KLHL18: variants seen among roughly 807,000 people sequenced by gnomAD.
KLHL18 encodes kelch like family member 18, also known as kelch-like protein 18.
In KLHL18, 38 loss-of-function variants were observed where a neutral mutation model predicts 58.5. The observed-to-expected ratio is 0.65, with a 90% CI of 0.50 to 0.85. The LOEUF is 0.85. Ranked by LOEUF, KLHL18 falls within the 40% of genes least tolerant of loss-of-function variation. The pLI is 0.00. For missense variants in KLHL18, 624 were observed against 778.4 expected (o/e 0.80, Z 2.36); for synonymous variants, 303 against 301.9 (o/e 1.00, Z -0.04).
intron 1 of KLHL18, among the ~76,000 whole-genome samples, chr3:47,302,681 G>A (rs1703052889): frequency 1.3e-5 from 2 of 152,196 alleles, no homozygotes; most frequent in African/African-American, 4.8e-5. Flanking sequence ...GACCTACACA[G>A]TTCAAGCCGG....
chr3:47,308,425 C>G (rs1703199702), intron 1 of KLHL18, among the ~76,000 whole-genome samples: 1 of 152,148 alleles, frequency 6.6e-6, no homozygotes, highest in Non-Finnish European at 1.5e-5. Flanking sequence ...GAGTCTTGTT[C>G]TGTCCCCCAG....
chr3:47,302,842 A>G (rs747760511), intron 1 of KLHL18, among the ~76,000 whole-genome samples: 8 of 152,236 alleles, frequency 5.3e-5, no homozygotes, highest in Non-Finnish European at 1.0e-4. Context: ...GTCATAAAAG[A>G]AACCATGAAT....
intron 1 of KLHL18, among the ~76,000 whole-genome samples, chr3:47,316,839 A>G (rs1703466776): frequency 6.6e-6 from 1 of 150,710 alleles, no homozygotes; most frequent in Non-Finnish European, 1.5e-5. Context: ...CCAGGTGCAC[A>G]CTAGCATGCC....
chr3:47,340,539 G>C, intron 7 of KLHL18, 33 bp from the exon 8 acceptor site: 9 of 1,613,464 alleles, frequency 5.6e-6, no homozygotes, highest in Non-Finnish European at 7.6e-6. Flanking sequence ...GAAGGCTGCG[G>C]CTCATCTGGG....
chr3:47,332,531 G>A (rs1262663065), intron 4 of KLHL18, among the ~76,000 whole-genome samples: 1 of 134,862 alleles, frequency 7.4e-6, no homozygotes, highest in East Asian at 2.3e-4. Flanking sequence ...CTGTGGTTTC[G>A]AGGAAAAAGC....
At position 47,283,124 on chromosome 3, in the gene KLHL18, G is replaced by A. The variant is rs1176317866; in HGVS notation, c.129+30G>A. On this transcript the variant is annotated intron_variant, in intron 1 of 9. Coordinates refer to ENST00000232766, the MANE Select transcript of KLHL18 (RefSeq NM_025010.5). ...CGCGGACTGGGCGGCAGCGGGCTGA[G>A]GGAAAAGGGGTCGAGCGGGGAGTAA... The A allele has an allele frequency of 1.5e-5, 23 of 1,553,050 alleles. No individual in the cohort carries two copies. The African/African-American group carries it at 3.0e-4, about 20-fold the overall frequency.
rs535343298 is a variant in KLHL18 at position 47,305,254 on chromosome 3, C to A, written c.130-14399C>A. 2.8e-5 allele frequency among the ~76,000 whole-genome samples: 4 copies of A among 143,380 alleles called. No homozygotes were observed. In the East Asian group the frequency reaches 8.3e-4, roughly 30 times the overall value. The allele number at this position is 143,380 out of a possible 152,430, so 94.1% of individuals were successfully genotyped here. A position where few individuals can be genotyped will look rare whatever the true frequency, so the allele number is the denominator to read the frequency against. On this transcript the variant is annotated intron_variant, in intron 1 of 9. Transcript: ENST00000232766. The stretch of plus-strand genomic sequence containing the variant: ...ATACTAGAAGTTTTTTGTAGATGTT[C>A]TTTGTCAAGTTGAGGAAGTTCCCCT...
intron 1 of KLHL18, among the ~76,000 whole-genome samples, chr3:47,285,525 TG>T (rs1158387630): frequency 1.3e-5 from 2 of 150,812 alleles, no homozygotes; most frequent in Non-Finnish European, 2.9e-5. Flanking sequence ...GAGACCAGCC[TG>T]GGCAACATGG....
intron 1 of KLHL18, among the ~76,000 whole-genome samples, chr3:47,290,057 TGAGGCTTA>T (rs1702758643): frequency 6.6e-6 from 1 of 152,238 alleles, no homozygotes; most frequent in Non-Finnish European, 1.5e-5. Context: ...TAAAAAACCC[TGAGGCTTA>T]GAGCTATTAA....
intron 1 of KLHL18, among the ~76,000 whole-genome samples, chr3:47,309,077 C>T (rs959858484): frequency 7.9e-5 from 12 of 152,160 alleles, no homozygotes; most frequent in East Asian, 3.8e-4. Flanking sequence ...CAGAGAGCAC[C>T]GGGTTGGGGG....
chr3:47,283,441 A>G, intron 1 of KLHL18: 1 of 344,498 alleles, frequency 2.9e-6, no homozygotes, highest in Non-Finnish European at 5.4e-6. Flanking sequence ...CCACATGCTG[A>G]TGGGCACCAC....
At chr3:47,311,520 G>A (rs551455684) in intron 1 of KLHL18, among the ~76,000 whole-genome samples, 2 of 152,004 alleles carry the variant, frequency 1.3e-5, no homozygotes, top group East Asian at 2.0e-4. Flanking sequence ...GTGAAACCCC[G>A]TCTCTACTAA....
chr3:47,292,343 G>A (rs1334486367), intron 1 of KLHL18, among the ~76,000 whole-genome samples: 2 of 151,270 alleles, frequency 1.3e-5, no homozygotes, highest in Non-Finnish European at 2.9e-5. Context: ...GCGTGGTGTC[G>A]CATGCCTGTA....
intron 1 of KLHL18, among the ~76,000 whole-genome samples, chr3:47,296,035 C>T (rs1244654961): frequency 6.6e-6 from 1 of 152,178 alleles, no homozygotes; most frequent in Non-Finnish European, 1.5e-5. Context: ...CCCCTCATTA[C>T]TTAGTGTTGT....
chr3:47,322,796 A>G (rs1014713779), intron 3 of KLHL18, 88 bp downstream of exon 3: 1 of 1,325,540 alleles, frequency 7.5e-7, no homozygotes, highest in Non-Finnish European at 9.9e-7. Flanking sequence ...GGGACCATAT[A>G]TAGGTTTATG....
intron 6 of KLHL18, among the ~76,000 whole-genome samples, chr3:47,335,491 T>TTTGTTTTTATTTTTTA (rs1156390650): frequency 5.3e-5 from 8 of 151,966 alleles, no homozygotes; most frequent in African/African-American, 1.9e-4. Context: ...CCCAGGCAGT[T>TTTGTTTTTATTTTTTA]TTGTTTTTAT....
intron 1 of KLHL18, among the ~76,000 whole-genome samples, chr3:47,310,945 C>CT (rs1465146011): frequency 1.1e-4 from 16 of 152,290 alleles, no homozygotes; most frequent in South Asian, 2.1e-4. Context: ...AGTTCATACT[C>CT]TATCTCCACA....
chr3:47,334,619 A>AG lies in KLHL18; in HGVS notation c.762-63dup, dbSNP rs1703942037. 6.3e-7 allele frequency: 1 copy of AG among 1,582,490 alleles called. No individual in the cohort carries two copies. On this transcript the variant is annotated intron_variant, in intron 5 of 9. Transcript: ENST00000232766. The surrounding 1 kb of genome is among the most constrained non-coding windows in gnomAD (Gnocchi z 4.7). ...GTTGGCAGTGGAGAGCCAGGCTCAG[A>AG]GATGCAAACGAGGACTAAGTCAGGG... is the stretch of plus-strand genomic sequence containing the variant.
At chr3:47,341,884 C>A (rs1704115457) in intron 8 of KLHL18, among the ~76,000 whole-genome samples, 2 of 138,106 alleles carry the variant, frequency 1.4e-5, no homozygotes, top group Non-Finnish European at 3.1e-5. Flanking sequence ...ATAAGAGAGA[C>A]CCTGTCTCTT....
Sources: gnomAD v4.1 joint callset for allele counts (sites outside exome capture counted in the v4.1 genomes callset) on GRCh38, gnomAD v4.1.1 for gene constraint, Gnocchi (gnomAD v3.1) non-coding constraint, MANE v1.5 for transcripts, NCBI Gene and HGNC (gene_info 2026-07-23, HGNC 2026-07-21) for gene names.